The following ASXL1 variants were observed in gnomAD, a reference collection of about 807,000 sequenced individuals.
ASXL1 encodes the protein polycomb group protein ASXL1.
Under a neutral mutation model 89.1 loss-of-function variants are expected in ASXL1, and 65 were observed. That is an observed-to-expected ratio of 0.73 (90% CI 0.60 to 0.90). ASXL1 has a LOEUF of 0.90. Among genes scored for constraint, ASXL1 ranks in the 40% least tolerant of loss-of-function variants. The pLI is 0.00. For synonymous variants in ASXL1, 739 were observed against 746.9 expected, an observed-to-expected ratio of 0.99 and a Z score of 0.17; for missense variants, 1,786 against 1,942.9, an observed-to-expected ratio of 0.92 and a Z score of 1.52.
In ASXL1 at chr20:32,436,372, T is replaced by A. The variant is rs1188057183; in HGVS notation, c.3660T>A (p.Ile1220=). Residue 1220 remains isoleucine, a synonymous_variant, in exon 13 of 13, where the codon ATT becomes ATA. Transcript: ENST00000375687. ...CCCTCCATCCAGTGACAAATCCCATTACATCCTCTAGGAAACTGGAAGAAA... is the reference window on the plus strand; with the variant it reads ...CCCTCCATCCAGTGACAAATCCCATAACATCCTCTAGGAAACTGGAAGAAA... The part of the protein sequence containing the change: ...FDSLHPVTNP[I]TSSRKLEEMD... 3 of 1,613,590 alleles carry A rather than the reference T, an allele frequency of 1.9e-6. No homozygotes were observed. In the African/African-American group the frequency reaches 4.0e-5, roughly 22 times the overall value.
chr20:32,377,194 C>A (rs1266430716), intron 4 of ASXL1, among the ~76,000 whole-genome samples: 2 of 141,040 alleles, frequency 1.4e-5, no homozygotes, highest in Non-Finnish European at 3.0e-5. Context: ...ATAGATATAT[C>A]TATGTATATT....
rs955756732 is a variant in ASXL1, at chr20:32,380,215, G to A, written c.252+11092G>A. Among the ~76,000 whole-genome samples the A allele has an allele frequency of 1.9e-4, 29 of 152,170 alleles. 1 individual carries two copies. Among genetic ancestry groups the A allele is most frequent in the African/African-American group, 7.0e-4 (29 of 41,450 alleles). ...GAGAATCCCTTGAACCCGGGAGGCG[G>A]AGATTGCAATGAGCCTATTGCGCAA... On this transcript the variant is annotated intron_variant, in intron 4 of 12. Coordinates refer to ENST00000375687, the MANE Select transcript of ASXL1 (RefSeq NM_015338.6).
intron 4 of ASXL1, among the ~76,000 whole-genome samples, chr20:32,400,182 C>T (rs905291221): frequency 1.3e-5 from 2 of 151,904 alleles, no homozygotes; most frequent in African/African-American, 4.8e-5. Flanking sequence ...TCCTTGTGTA[C>T]TCATTCTAAC....
At chr20:32,375,050 T>G (rs1485033968) in intron 4 of ASXL1, among the ~76,000 whole-genome samples, 1 of 152,070 alleles carries the variant, frequency 6.6e-6, no homozygotes, top group Non-Finnish European at 1.5e-5. Flanking sequence ...TTTTGCCATG[T>G]TGGTCAGGCT....
At chr20:32,406,926 T>C (rs2048965785) in intron 4 of ASXL1, among the ~76,000 whole-genome samples, 1 of 152,156 alleles carries the variant, frequency 6.6e-6, no homozygotes, top group Non-Finnish European at 1.5e-5. Context: ...GCCTCCACTT[T>C]TGTATGGATG....
chr20:32,376,948 T>C (rs532756752), intron 4 of ASXL1, among the ~76,000 whole-genome samples: 26 of 142,810 alleles, frequency 1.8e-4, no homozygotes, highest in African/African-American at 4.4e-4. Flanking sequence ...AGATAAAATA[T>C]AATTCTGGCC....
At position 32,413,344 on chromosome 20, in the gene ASXL1, G is replaced by A. The variant is rs566629728; in HGVS notation, c.253-14784G>A. Reference sequence around the variant, plus strand: ...GGATGGAAATGGAAGGGATGGTGGGGAGCAGTGTCACTTACTCTGAGTATA... The same window carrying A: ...GGATGGAAATGGAAGGGATGGTGGGAAGCAGTGTCACTTACTCTGAGTATA... On this transcript the variant is annotated intron_variant, in intron 4 of 12. Transcript: ENST00000375687. 1.1e-3 allele frequency among the ~76,000 whole-genome samples: 161 copies of A among 152,154 alleles called. 1 individual carries two copies. Among genetic ancestry groups the A allele is most frequent in the Non-Finnish European group, 2.0e-3 (134 of 68,026 alleles).
At chr20:32,373,523 A>G (rs1340830752) in intron 4 of ASXL1, among the ~76,000 whole-genome samples, 1 of 152,122 alleles carries the variant, frequency 6.6e-6, no homozygotes, top group African/African-American at 2.4e-5. Context: ...TTGACCTATT[A>G]TAAAAGCAAT....
intron 4 of ASXL1, among the ~76,000 whole-genome samples, chr20:32,412,032 A>C (rs2049057488): frequency 6.6e-6 from 1 of 151,872 alleles, no homozygotes; most frequent in Non-Finnish European, 1.5e-5. Context: ...CTTAGCTTAT[A>C]TTTTCCCAGC....
chr20:32,411,557 TA>T (rs71336576), intron 4 of ASXL1, among the ~76,000 whole-genome samples: 47,265 of 132,756 alleles, frequency 0.36, 8,838 homozygotes, highest in East Asian at 0.71. Flanking sequence ...TTTTTTTTTT[TA>T]AAATATGAAG....
chr20:32,382,656 C>A (rs1428172265), intron 4 of ASXL1, among the ~76,000 whole-genome samples: 1 of 150,566 alleles, frequency 6.6e-6, no homozygotes, highest in Non-Finnish European at 1.5e-5. Context: ...CGTGGTGGCT[C>A]ATGCCTGTGT....
chr20:32,436,827 C>G lies in ASXL1; in HGVS notation c.4115C>G (p.Thr1372Ser), dbSNP rs201989261. 82 of 1,614,190 alleles carry G rather than the reference C, an allele frequency of 5.1e-5. No individual in the cohort carries two copies. Among genetic ancestry groups the G allele is most frequent in the Non-Finnish European group, 1.4e-5 (17 of 1,180,042 alleles). The change falls in exon 13 of 13, where the codon ACT becomes AGT. Residue 1372 changes from threonine to serine, a missense_variant. This residue lies in a region of ASXL1 where 1,418 missense variants were observed against 1,427.8 expected (regional missense o/e 0.99). Transcript: ENST00000375687. ...AFVGSVKNEK[T>S]FVGGPLKANA... ...GTTGGCAGCGTCAAGAATGAGAAGA[C>G]TTTTGTGGGGGGTCCTCTTAAGGCA...
intron 4 of ASXL1, among the ~76,000 whole-genome samples, chr20:32,400,349 A>T (rs1376982260): frequency 1.3e-5 from 2 of 151,994 alleles, no homozygotes; most frequent in African/African-American, 4.8e-5. Context: ...TATGTTCTTT[A>T]ACTTTGTTAT....
rs142450571 is a variant in ASXL1, at chr20:32,434,772, G to A, written c.2060G>A (p.Cys687Tyr). ...GGAGGCCCGAGCACCCCTGGAAAGTGTACGTCAGATCTACAGCGAACACAA... is the reference window on the plus strand; with the variant it reads ...GGAGGCCCGAGCACCCCTGGAAAGTATACGTCAGATCTACAGCGAACACAA... ...PRGGPSTPGK[C>Y]TSDLQRTQLL... The change falls in exon 13 of 13, where the codon TGT becomes TAT. Residue 687 changes from cysteine to tyrosine, a missense_variant. This residue lies in a region of ASXL1 where 1,418 missense variants were observed against 1,427.8 expected (regional missense o/e 0.99). Transcript: ENST00000375687. 4.3e-6 allele frequency: 7 copies of A among 1,613,728 alleles called. No homozygotes were observed. In the African/African-American group the frequency reaches 5.3e-5, roughly 12 times the overall value.
rs2011932982 is a variant in ASXL1 at position 32,436,836 on chromosome 20, G to C, written c.4124G>C (p.Gly1375Ala). ...GTCAAGAATGAGAAGACTTTTGTGG[G>C]GGGTCCTCTTAAGGCAAATGCCGAG... ...GSVKNEKTFV[G>A]GPLKANAENR... The change falls in exon 13 of 13, where the codon GGG becomes GCG. Residue 1375 changes from glycine (G) to alanine (A), a missense_variant. This residue lies in a region of ASXL1 where 1,418 missense variants were observed against 1,427.8 expected (regional missense o/e 0.99). Transcript: ENST00000375687. 6.2e-7 allele frequency: 1 copy of C among 1,614,180 alleles called. No homozygotes were observed. The highest frequency in any genetic ancestry group is 8.5e-7 in the Non-Finnish European group (1 of 1,180,030).
intron 4 of ASXL1, among the ~76,000 whole-genome samples, chr20:32,419,881 T>C (rs991065046): frequency 8.5e-5 from 13 of 152,086 alleles, no homozygotes; most frequent in African/African-American, 2.7e-4. Flanking sequence ...GGTTTCACCA[T>C]GTTGGCCAGG....
chr20:32,428,112 T>C lies in ASXL1; in HGVS notation c.253-16T>C. On this transcript the variant is annotated splice_polypyrimidine_tract_variant and intron_variant, in intron 4 of 12. Transcript: ENST00000375687. ...TGTAGGGTTTTGTTCACCTGAGTTG[T>C]ACCTTGCTGTCACAGAAGGATGCCC... is the stretch of plus-strand genomic sequence containing the variant. The C allele has an allele frequency of 6.2e-7, 1 of 1,612,834 alleles. No individual in the cohort carries two copies. The highest frequency in any genetic ancestry group is 8.5e-7 in the Non-Finnish European group (1 of 1,180,010).
chr20:32,383,496 A>G (rs1390776870), intron 4 of ASXL1, among the ~76,000 whole-genome samples: 1 of 151,806 alleles, frequency 6.6e-6, no homozygotes, highest in African/African-American at 2.4e-5. Context: ...TTTAATAGAG[A>G]CGGGGTTTCA....
At position 32,439,048 on chromosome 20, in the gene ASXL1, C is replaced by T. The variant is rs570129849; in HGVS notation, c.*1710C>T. 13 of 233,516 alleles carry T rather than the reference C, an allele frequency of 5.6e-5. No homozygotes were observed. The highest frequency in any genetic ancestry group is 8.5e-5 in the Non-Finnish European group (10 of 117,964). The allele number at this position is 233,516 out of a possible 1,614,324, so 14.5% of individuals were successfully genotyped here. A position where few individuals can be genotyped will look rare whatever the true frequency, so the allele number is the denominator to read the frequency against. On this transcript the variant is annotated 3_prime_UTR_variant, in exon 13 of 13. Transcript: ENST00000375687. ...CTCATTTAATCTGATGTGGCATTTT[C>T]GTCATCTGAAGCATGAGTGACAAGT... is the stretch of plus-strand genomic sequence containing the variant.
Sources: gnomAD v4.1 joint callset for allele counts (sites outside exome capture counted in the v4.1 genomes callset) on GRCh38, gnomAD v4.1.1 for gene constraint, gnomAD v4.1.1 regional missense constraint, MANE v1.5 for transcripts, NCBI Gene and HGNC (gene_info 2026-07-23, HGNC 2026-07-21) for gene names.